The following BCL2L11 variants were observed in gnomAD, a reference collection of about 807,000 sequenced individuals.
BCL2L11 encodes bcl-2-like protein 11.
In BCL2L11, 15 loss-of-function variants were observed where a neutral mutation model predicts 20.6. The observed-to-expected ratio is 0.73, with a 90% CI of 0.49 to 1.12. The LOEUF is 1.12. Among genes scored for constraint, BCL2L11 ranks in the 50% most tolerant of loss-of-function variants. The pLI, the probability that BCL2L11 is intolerant of heterozygous loss-of-function variation, is 0.00. For missense variants in BCL2L11, 292 were observed against 260.9 expected, an observed-to-expected ratio of 1.12 and a Z score of -0.82; for synonymous variants, 108 against 92.8, an observed-to-expected ratio of 1.16 and a Z score of -0.94.
intron 2 of BCL2L11, among the ~76,000 whole-genome samples, chr2:111,144,256 A>G (rs1022444266): frequency 3.3e-5 from 5 of 152,230 alleles, no homozygotes; most frequent in African/African-American, 7.2e-5. Context: ...TAATGCTGTC[A>G]TCGTATTTCT....
intron 3 of BCL2L11, among the ~76,000 whole-genome samples, chr2:111,155,875 C>T (rs1202775577): frequency 6.6e-6 from 1 of 152,220 alleles, no homozygotes; most frequent in Admixed American, 6.5e-5. Flanking sequence ...GATTGAAGTG[C>T]ATGTAGACCA....
At chr2:111,129,061 T>C (rs550823914) in intron 2 of BCL2L11, among the ~76,000 whole-genome samples, 2 of 152,332 alleles carry the variant, frequency 1.3e-5, no homozygotes, top group East Asian at 3.9e-4. Flanking sequence ...CTTAGGAGAA[T>C]GGAAGTGATT....
At chr2:111,160,238 T>C (rs535619557) in intron 3 of BCL2L11, among the ~76,000 whole-genome samples, 2 of 152,378 alleles carry the variant, frequency 1.3e-5, no homozygotes, top group Admixed American at 1.3e-4. Flanking sequence ...CCCTGGTGCC[T>C]TCCTGCCCTG....
chr2:111,157,254 T>G (rs2077983542), intron 3 of BCL2L11, among the ~76,000 whole-genome samples: 1 of 152,136 alleles, frequency 6.6e-6, no homozygotes, highest in African/African-American at 2.4e-5. Context: ...TAACTGGGGT[T>G]TTTTTTAAAT....
chr2:111,161,150 C>T (rs1387310999), intron 3 of BCL2L11, among the ~76,000 whole-genome samples: 1 of 152,080 alleles, frequency 6.6e-6, no homozygotes, highest in Admixed American at 6.5e-5. Context: ...AACTTAATCA[C>T]CTTATTGATG....
intron 2 of BCL2L11, chr2:111,144,610 C>T: frequency 7.1e-7 from 1 of 1,416,028 alleles, no homozygotes; most frequent in Non-Finnish European, 9.6e-7. Flanking sequence ...AAAGATATTT[C>T]TGAAGATATT....
intron 2 of BCL2L11, among the ~76,000 whole-genome samples, chr2:111,125,581 C>T (rs1162875694): frequency 2.0e-5 from 3 of 152,238 alleles, no homozygotes; most frequent in Non-Finnish European, 2.9e-5. Context: ...TAAATACCAT[C>T]CAGCTCTGTC....
chr2:111,138,738 C>A (rs891172351), intron 2 of BCL2L11, among the ~76,000 whole-genome samples: 1 of 152,196 alleles, frequency 6.6e-6, no homozygotes, highest in Non-Finnish European at 1.5e-5. Flanking sequence ...CCCCCACAGG[C>A]TGCTCTTGGG....
At chr2:111,122,828 C>T (rs1476746534) in intron 1 of BCL2L11, 9 of 985,250 alleles carry the variant, frequency 9.1e-6, no homozygotes, top group Non-Finnish European at 9.6e-6. Context: ...TTCGTGGTGA[C>T]GGTCAGGGGG....
At chr2:111,152,561 C>T (rs1239028464) in intron 3 of BCL2L11, among the ~76,000 whole-genome samples, 1 of 152,256 alleles carries the variant, frequency 6.6e-6, no homozygotes, top group Non-Finnish European at 1.5e-5. Flanking sequence ...TGGTCAGTGA[C>T]AAGACATAGG....
Position 111,123,512 on chromosome 2 carries a change from A to T in BCL2L11, c.-13-221A>T, listed in dbSNP as rs968595382. 5.1e-6 allele frequency: 5 copies of T among 985,302 alleles called. No individual in the cohort carries two copies. The African/African-American group carries it at 8.7e-5, about 17-fold the overall frequency. 61.0% of individuals were successfully genotyped at this position (985,302 alleles called of 1,614,324 possible). On this transcript the variant is annotated intron_variant, in intron 1 of 3. Coordinates refer to ENST00000393256, the MANE Select transcript of BCL2L11 (RefSeq NM_138621.5). Reference sequence around the variant, plus strand: ...TGCACCAGTTCCGCAAGCTGTTGACATTGTTACTGTATTTTGTTTGGGGGT... The same window carrying T: ...TGCACCAGTTCCGCAAGCTGTTGACTTTGTTACTGTATTTTGTTTGGGGGT...
intron 3 of BCL2L11, among the ~76,000 whole-genome samples, chr2:111,162,487 G>T (rs567491717): frequency 6.6e-6 from 1 of 152,292 alleles, no homozygotes; most frequent in East Asian, 1.9e-4. Flanking sequence ...AGATTCTCTT[G>T]TGAGGTGACT....
At chr2:111,121,602 G>A (rs186139841) in intron 1 of BCL2L11, among the ~76,000 whole-genome samples, 1,820 of 152,348 alleles carry the variant, frequency 0.012, 37 homozygotes, top group African/African-American at 0.042. Context: ...AGTAGCGGCC[G>A]CGCAGTGTGA....
At chr2:111,127,419 C>CTTT (rs774187139) in intron 2 of BCL2L11, among the ~76,000 whole-genome samples, 8 of 125,066 alleles carry the variant, frequency 6.4e-5, no homozygotes, top group African/African-American at 1.5e-4. Context: ...TAATGGCTTT[C>CTTT]TTTTTTTTTT....
At chr2:111,154,657 T>A (rs1156433386) in intron 3 of BCL2L11, among the ~76,000 whole-genome samples, 1 of 152,232 alleles carries the variant, frequency 6.6e-6, no homozygotes, top group Non-Finnish European at 1.5e-5. Flanking sequence ...GTCCTGTTAC[T>A]GATGAGGTTC....
At chr2:111,130,962 G>C (rs1415854200) in intron 2 of BCL2L11, among the ~76,000 whole-genome samples, 1 of 152,118 alleles carries the variant, frequency 6.6e-6, no homozygotes, top group East Asian at 1.9e-4. Context: ...AATCCTGCGT[G>C]GGTAGGGTCT....
intron 3 of BCL2L11, chr2:111,151,729 G>T: frequency 1.0e-6 from 1 of 1,003,398 alleles, no homozygotes; most frequent in South Asian, 1.4e-5. Context: ...TTCTGTGGGG[G>T]TGTTTGAGGA....
intron 2 of BCL2L11, chr2:111,130,247 G>A (rs772684340): frequency 7.3e-5 from 21 of 286,178 alleles, no homozygotes; most frequent in Non-Finnish European, 1.1e-4. Context: ...TGGGATTACA[G>A]GCACGTACCA....
At chr2:111,150,256 A>C in intron 3 of BCL2L11, 109 bp downstream of exon 3, 1 of 1,516,496 alleles carries the variant, frequency 6.6e-7, no homozygotes. Context: ...TCTGGAAATG[A>C]TTACTGTTGC....
Sources: gnomAD v4.1 joint callset for allele counts (sites outside exome capture counted in the v4.1 genomes callset) on GRCh38, gnomAD v4.1.1 for gene constraint, MANE v1.5 for transcripts, NCBI Gene and HGNC (gene_info 2026-07-23, HGNC 2026-07-21) for gene names.